Variants in DNAAF9 observed in about 807,000 individuals in gnomAD.
DNAAF9 encodes the protein shulin.
Under a neutral mutation model 167.0 loss-of-function variants are expected in DNAAF9, and 90 were observed. That is an observed-to-expected ratio of 0.54 (90% CI 0.45 to 0.64). The LOEUF (loss-of-function observed/expected upper bound fraction) is 0.64, where lower values mean the gene tolerates loss of function less well. Among genes scored for constraint, DNAAF9 ranks in the 30% least tolerant of loss-of-function variants. The pLI is 0.00. For missense variants in DNAAF9, 1,315 were observed against 1,442.2 expected (o/e 0.91, Z 1.43); for synonymous variants, 491 against 508.8 (o/e 0.96, Z 0.47).
intron 7 of DNAAF9, among the ~76,000 whole-genome samples, chr20:3,356,274 T>C (rs181386300): frequency 6.6e-6 from 1 of 152,314 alleles, no homozygotes; most frequent in East Asian, 1.9e-4. Flanking sequence ...TGCCTCGGCC[T>C]CCCAAAGTGC....
At chr20:3,302,762 C>T (rs1351310761) in intron 21 of DNAAF9, among the ~76,000 whole-genome samples, 1 of 152,066 alleles carries the variant, frequency 6.6e-6, no homozygotes, top group Non-Finnish European at 1.5e-5. Flanking sequence ...AAAAGCTAAT[C>T]AGTGGTTGTC....
rs1248331187 is a variant in DNAAF9, at chr20:3,252,141, G to C, written c.*431C>G. The C allele has an allele frequency of 6.3e-6, 1 of 158,486 alleles. No homozygotes were observed. Among genetic ancestry groups the C allele is most frequent in the Non-Finnish European group, 1.4e-5 (1 of 72,174 alleles). The allele number at this position is 158,486 out of a possible 1,614,324, so 9.8% of individuals were successfully genotyped here. A position where few individuals can be genotyped will look rare whatever the true frequency, so the allele number is the denominator to read the frequency against. Reference sequence around the variant, plus strand: ...TGGGGAAGATGGCTCTCGTGGAGCAGCATCTGAGGCTTGAGGCCTGTCGTG... The same window carrying C: ...TGGGGAAGATGGCTCTCGTGGAGCACCATCTGAGGCTTGAGGCCTGTCGTG... On this transcript the variant is annotated 3_prime_UTR_variant, in exon 37 of 37. Transcript: ENST00000252032.
chr20:3,270,627 A>C, intron 29 of DNAAF9, 65 bp from the exon 30 acceptor site: 1 of 1,436,466 alleles, frequency 7.0e-7, no homozygotes, highest in Non-Finnish European at 9.7e-7. Flanking sequence ...GCTCACACAA[A>C]CGTGAGCCCT....
chr20:3,355,720 T>C (rs944700312), intron 7 of DNAAF9, among the ~76,000 whole-genome samples: 21 of 152,204 alleles, frequency 1.4e-4, no homozygotes, highest in Admixed American at 6.5e-5. Context: ...TTGAACTAAA[T>C]ATAGAACCTT....
chr20:3,265,339 C>A (rs373949409), intron 30 of DNAAF9, among the ~76,000 whole-genome samples: 35 of 151,712 alleles, frequency 2.3e-4, no homozygotes, highest in African/African-American at 8.2e-4. Context: ...CCGAGGCAGG[C>A]GGATCACCTG....
At position 3,381,308 on chromosome 20, in the gene DNAAF9, C is replaced by A. The variant is rs1600896236; in HGVS notation, c.283+71G>T. 33 of 1,239,614 alleles carry A rather than the reference C, an allele frequency of 2.7e-5. No individual in the cohort carries two copies. In the East Asian group the frequency reaches 8.1e-4, roughly 30 times the overall value. The allele number at this position is 1,239,614 out of a possible 1,614,324, so 76.8% of individuals were successfully genotyped here. ...TTTAAATTTTATTCCATAAGAAGAC[C>A]ATAAAATAAGGATCCAAATAAATAA... On this transcript the variant is annotated intron_variant, in intron 3 of 36. Coordinates refer to ENST00000252032, the MANE Select transcript of DNAAF9 (RefSeq NM_001009984.3).
In DNAAF9 at chr20:3,316,731, A is replaced by C; in HGVS notation, c.1531T>G (p.Ser511Ala). ...VLTAAVPRFCSWLVEDNEVKL... is the reference protein window; with the variant it reads ...VLTAAVPRFCAWLVEDNEVKL... ...TGATGAATGACACTAACCAGCCAGG[A>C]GCAGAATCTGGGTACAGCAGCAGTC... is the stretch of plus-strand genomic sequence containing the variant. The change falls in exon 18 of 37, where the codon TCC (serine) becomes GCC (alanine). Residue 511 changes from serine to alanine, a missense_variant. Around this residue, in one of 2 missense-constraint regions of DNAAF9, gnomAD observed 981 missense variants for 1,012.5 expected, o/e 0.97. Transcript: ENST00000252032. The C allele has an allele frequency of 6.2e-7, 1 of 1,612,914 alleles. No homozygotes were observed. Among genetic ancestry groups the C allele is most frequent in the Non-Finnish European group, 8.5e-7 (1 of 1,179,026 alleles).
In DNAAF9 at chr20:3,291,384, G is replaced by T. The variant is rs1258781004; in HGVS notation, c.2239-1167C>A. ...TTTTGAGACGGAGTCTCGCTCCGTC[G>T]CCAGGCTGGAGTGCAGTGGTGCAAT... On this transcript the variant is annotated intron_variant, in intron 25 of 36. Transcript: ENST00000252032. Among the ~76,000 whole-genome samples the T allele has an allele frequency of 8.3e-5, 12 of 144,568 alleles. No individual in the cohort carries two copies. In the Admixed American group the frequency reaches 8.6e-4, roughly 10 times the overall value. The allele number at this position is 144,568 out of a possible 152,430, so 94.8% of individuals were successfully genotyped here.
At chr20:3,322,761 G>C in intron 14 of DNAAF9, 65 bp from the exon 15 acceptor site, 1 of 1,185,402 alleles carries the variant, frequency 8.4e-7, no homozygotes, top group Non-Finnish European at 1.3e-6. Context: ...ACCTGTGCAG[G>C]GTACCTGCTT....
At chr20:3,307,730 C>T (rs1422665022) in intron 20 of DNAAF9, among the ~76,000 whole-genome samples, 1 of 151,982 alleles carries the variant, frequency 6.6e-6, no homozygotes, top group Non-Finnish European at 1.5e-5. Flanking sequence ...GCTCTGTATC[C>T]CTGGAAGTCC....
chr20:3,371,502 C>G (rs951655916), intron 6 of DNAAF9, among the ~76,000 whole-genome samples: 2 of 151,804 alleles, frequency 1.3e-5, no homozygotes, highest in Non-Finnish European at 2.9e-5. Context: ...TGCCACCACG[C>G]CCGGCTAATT....
At chr20:3,344,098 T>C (rs975116162) in intron 8 of DNAAF9, among the ~76,000 whole-genome samples, 6 of 152,182 alleles carry the variant, frequency 3.9e-5, no homozygotes, top group African/African-American at 1.2e-4. Context: ...CCAATCACCA[T>C]CTATGGTCCA....
At chr20:3,292,902 T>C (rs918252755) in intron 25 of DNAAF9, among the ~76,000 whole-genome samples, 7 of 150,628 alleles carry the variant, frequency 4.6e-5, no homozygotes. Context: ...CTGGCCAACA[T>C]GGTGAAACCA....
chr20:3,298,091 T>C lies in DNAAF9; in HGVS notation c.1867A>G (p.Ser623Gly), dbSNP rs2069114780. ...PHLPVHFHGS[S>G]NFLMIALFPK... Reference sequence around the variant, plus strand: ...AAAAGGGCAATCATCAGAAAATTGCTTGATCCATGGAAATGAACTGGGAGG... The same window carrying C: ...AAAAGGGCAATCATCAGAAAATTGCCTGATCCATGGAAATGAACTGGGAGG... The change falls in exon 22 of 37, where the codon AGC becomes GGC. Residue 623 changes from serine (S) to glycine (G), a missense_variant. This residue lies in a region of DNAAF9 where 981 missense variants were observed against 1,012.5 expected (regional missense o/e 0.97). Transcript: ENST00000252032. 26 of 1,612,918 alleles carry C rather than the reference T, an allele frequency of 1.6e-5. No individual in the cohort carries two copies. The highest frequency in any genetic ancestry group is 2.0e-5 in the Non-Finnish European group (24 of 1,178,990).
chr20:3,332,501 T>C, intron 10 of DNAAF9, 140 bp from the exon 11 acceptor site: 2 of 499,126 alleles, frequency 4.0e-6, no homozygotes, highest in Admixed American at 3.4e-5. Context: ...TCATGTAGGA[T>C]GGAGTGCAGT....
At chr20:3,390,371 C>CTTT (rs34917762) in intron 1 of DNAAF9, among the ~76,000 whole-genome samples, 2 of 141,156 alleles carry the variant, frequency 1.4e-5, no homozygotes, top group African/African-American at 5.2e-5. Context: ...TATTCTCTCA[C>CTTT]TTTTTTTTTT....
chr20:3,364,966 T>C (rs1353915333), intron 6 of DNAAF9, among the ~76,000 whole-genome samples: 2 of 146,250 alleles, frequency 1.4e-5, no homozygotes, highest in African/African-American at 5.0e-5. Flanking sequence ...TTTTTTGAAA[T>C]AGAGCCTCCT....
At chr20:3,318,503 AGAGTACT>A in intron 16 of DNAAF9, 103 bp from the exon 17 acceptor site, 1 of 626,548 alleles carries the variant, frequency 1.6e-6, no homozygotes, top group South Asian at 1.9e-5. Flanking sequence ...ACATGGCAAA[AGAGTACT>A]GAAGAGTTTC....
rs1485458637 is a variant in DNAAF9, at chr20:3,343,530, A to C, written c.845+146T>G. The C allele has an allele frequency of 4.6e-6, 3 of 651,166 alleles. No homozygotes were observed. In the African/African-American group the frequency reaches 5.5e-5, roughly 12 times the overall value. The allele number at this position is 651,166 out of a possible 1,614,324, so 40.3% of individuals were successfully genotyped here. ...AGAAACAGACACATTTACAGAGTAC[A>C]GATTTCTTACCCTGTGATAACTAAA... On this transcript the variant is annotated intron_variant, in intron 9 of 36. Transcript: ENST00000252032.
Sources: gnomAD v4.1 joint callset for allele counts (sites outside exome capture counted in the v4.1 genomes callset) on GRCh38, gnomAD v4.1.1 for gene constraint, gnomAD v4.1.1 regional missense constraint, MANE v1.5 for transcripts, NCBI Gene and HGNC (gene_info 2026-07-23, HGNC 2026-07-21) for gene names.